Variants in SBF2 observed in about 807,000 individuals in gnomAD.
SBF2 encodes myotubularin-related protein 13.
In SBF2, 112 loss-of-function variants were observed where a neutral mutation model predicts 225.2. That is an observed-to-expected ratio of 0.50 (90% CI 0.43 to 0.58). The LOEUF (loss-of-function observed/expected upper bound fraction) is 0.58, where lower values mean the gene tolerates loss of function less well. SBF2 is among the 20% of genes least tolerant of loss of function. SBF2 has a pLI of 0.00. For missense variants in SBF2, 1,996 were observed against 2,206.2 expected (o/e 0.90, Z 1.91); for synonymous variants, 763 against 773.3 (o/e 0.99, Z 0.22).
chr11:10,002,199 G>T (rs1463751842), intron 7 of SBF2, among the ~76,000 whole-genome samples: 2 of 152,052 alleles, frequency 1.3e-5, no homozygotes, highest in Non-Finnish European at 2.9e-5. Context: ...ACTTCAGTGG[G>T]TATCTAAGAG....
intron 37 of SBF2, 36 bp downstream of exon 37, chr11:9,785,089 A>G (rs777913119): frequency 1.3e-6 from 2 of 1,592,688 alleles, no homozygotes; most frequent in Non-Finnish European, 1.7e-6. Context: ...GCTGTGGGGA[A>G]GTCTTCAGCA....
chr11:9,942,901 G>GAAAGAAAGAA (rs1554962757), intron 16 of SBF2, among the ~76,000 whole-genome samples: 64 of 101,380 alleles, frequency 6.3e-4, no homozygotes, highest in Non-Finnish European at 1.1e-3. Context: ...AAGAGAGAGA[G>GAAAGAAAGAA]AGAAAGAAAG....
rs118034467 is a variant in SBF2 at position 10,186,416 on chromosome 11, C to T, written c.141+7486G>A. On this transcript the variant is annotated intron_variant, in intron 2 of 39. Transcript: ENST00000256190. The stretch of plus-strand genomic sequence containing the variant: ...GGCATGGTGGCACACACCTGTAGTC[C>T]TAGCTATTCTGGACACTGAGGCAGG... Among the ~76,000 whole-genome samples the T allele has an allele frequency of 2.0e-3, 301 of 152,262 alleles. 1 individual carries two copies. The highest frequency in any genetic ancestry group is 0.01 in the South Asian group (50 of 4,826).
At chr11:10,197,500 G>A (rs972108314) in intron 1 of SBF2, among the ~76,000 whole-genome samples, 10 of 152,234 alleles carry the variant, frequency 6.6e-5, no homozygotes, top group African/African-American at 2.4e-4. Context: ...TCAATCATCT[G>A]AGGCTTTAGC....
rs897516596 is a variant in SBF2 at position 9,995,433 on chromosome 11, G to A, written c.976-1435C>T. The stretch of plus-strand genomic sequence containing the variant: ...CAACACTAAAATATTGGCAGTTCAA[G>A]TCACTGAATCACTACCACAGTACAA... On this transcript the variant is annotated intron_variant, in intron 9 of 39. Coordinates refer to ENST00000256190, the MANE Select transcript of SBF2 (RefSeq NM_030962.4). Among the ~76,000 whole-genome samples, 3 of 152,282 alleles carry A rather than the reference G, an allele frequency of 2.0e-5. No homozygotes were observed. The East Asian group carries it at 5.8e-4, about 29-fold the overall frequency.
At chr11:10,027,006 G>T (rs140230329) in intron 6 of SBF2, among the ~76,000 whole-genome samples, 58 of 152,200 alleles carry the variant, frequency 3.8e-4, no homozygotes, top group Non-Finnish European at 7.4e-4. Flanking sequence ...TGTACAACAC[G>T]ATGTTTTGAA....
chr11:10,129,392 C>T (rs967632405), intron 2 of SBF2, among the ~76,000 whole-genome samples: 4 of 152,072 alleles, frequency 2.6e-5, no homozygotes, highest in Non-Finnish European at 4.4e-5. Flanking sequence ...CATGAGCCAC[C>T]GCGCCCGGCC....
Position 9,992,490 on chromosome 11 carries a change from T to A in SBF2, c.1221A>T (p.Val407=), listed in dbSNP as rs1259811004. 1 of 1,613,196 alleles carries A rather than the reference T, an allele frequency of 6.2e-7. No individual in the cohort carries two copies. Among genetic ancestry groups the A allele is most frequent in the African/African-American group, 1.3e-5 (1 of 74,998 alleles). ...AACCTGCAAATGCCATTCCACTGAG[T>A]ACTTTAGTGAGGAAATCATTCTCGA... ...GLVENDFLTK[V]LSGMAFAGFV... is the part of the protein sequence containing the mutation. Residue 407 remains valine (V), a synonymous_variant, in exon 12 of 40, where the codon GTA becomes GTT. Transcript: ENST00000256190.
At chr11:9,904,118 A>G (rs115836768) in intron 16 of SBF2, among the ~76,000 whole-genome samples, 1,929 of 152,210 alleles carry the variant, frequency 0.013, 44 homozygotes, top group African/African-American at 0.044. Flanking sequence ...TACAAATACA[A>G]TAACACAAAT....
At chr11:10,223,461 T>C (rs940973854) in intron 1 of SBF2, among the ~76,000 whole-genome samples, 1 of 125,976 alleles carries the variant, frequency 7.9e-6, no homozygotes, top group Admixed American at 8.9e-5. Flanking sequence ...TACAATAAAG[T>C]AAGCTACAGA....
chr11:9,853,809 A>C, intron 19 of SBF2, 97 bp from the exon 20 acceptor site: 1 of 1,095,272 alleles, frequency 9.1e-7, no homozygotes, highest in Admixed American at 1.7e-5. Flanking sequence ...AACATGAGCA[A>C]AGTGATGTCT....
At chr11:10,219,630 T>C (rs1198206866) in intron 1 of SBF2, among the ~76,000 whole-genome samples, 1 of 152,226 alleles carries the variant, frequency 6.6e-6, no homozygotes, top group Non-Finnish European at 1.5e-5. Flanking sequence ...CAAACTTCTA[T>C]GCTCTGCTTT....
chr11:10,121,377 G>C (rs1321316473), intron 2 of SBF2, among the ~76,000 whole-genome samples: 1 of 152,088 alleles, frequency 6.6e-6, no homozygotes, highest in Non-Finnish European at 1.5e-5. Flanking sequence ...ATCCAATTCT[G>C]CTCTTAAGAA....
intron 2 of SBF2, among the ~76,000 whole-genome samples, chr11:10,063,321 A>T (rs1235645127): frequency 9.0e-6 from 1 of 110,514 alleles, no homozygotes; most frequent in Non-Finnish European, 2.0e-5. Context: ...AACCTAAAGT[A>T]AAAAAAATAT....
At position 9,809,007 on chromosome 11, in the gene SBF2, G is replaced by C. The variant is rs966658773; in HGVS notation, c.4156-5C>G. 7 of 1,608,622 alleles carry C rather than the reference G, an allele frequency of 4.4e-6. No individual in the cohort carries two copies. Among genetic ancestry groups the C allele is most frequent in the African/African-American group, 1.3e-5 (1 of 74,818 alleles). ...CAGCTGCATTATCCTGTGAAGCTAA[G>C]AGACAGGAAGGAGAACACAATTAGA... On this transcript the variant is annotated splice_region_variant and splice_polypyrimidine_tract_variant and intron_variant, in intron 30 of 39. Transcript: ENST00000256190.
chr11:10,113,325 C>T (rs1253906923), intron 2 of SBF2, among the ~76,000 whole-genome samples: 1 of 151,968 alleles, frequency 6.6e-6, no homozygotes, highest in African/African-American at 2.4e-5. Context: ...CATACATGTT[C>T]AAAAATGACA....
Position 9,781,487 on chromosome 11 carries a change from G to C in SBF2, c.5451+20C>G, listed in dbSNP as rs751647356. The C allele has an allele frequency of 1.9e-6, 3 of 1,613,900 alleles. No individual in the cohort carries two copies. ...TGATGTGCAGACAGAGCCAGGAAAAGAGAAGTAAGATCAACTTACATCAAA... is the reference window on the plus strand; with the variant it reads ...TGATGTGCAGACAGAGCCAGGAAAACAGAAGTAAGATCAACTTACATCAAA... On this transcript the variant is annotated intron_variant, in intron 39 of 39. Coordinates refer to ENST00000256190, the MANE Select transcript of SBF2 (RefSeq NM_030962.4).
chr11:10,103,853 A>T (rs1319180099), intron 2 of SBF2, among the ~76,000 whole-genome samples: 1 of 152,166 alleles, frequency 6.6e-6, no homozygotes, highest in Admixed American at 6.5e-5. Flanking sequence ...GGCCAAGGCA[A>T]AAGGACTGCT....
chr11:10,046,628 A>G (rs1300706627), intron 2 of SBF2, among the ~76,000 whole-genome samples: 1 of 151,748 alleles, frequency 6.6e-6, no homozygotes, highest in Non-Finnish European at 1.5e-5. Flanking sequence ...TTGATAAAGA[A>G]TATCTTTTAA....
Sources: gnomAD v4.1 joint callset for allele counts (sites outside exome capture counted in the v4.1 genomes callset) on GRCh38, gnomAD v4.1.1 for gene constraint, MANE v1.5 for transcripts, NCBI Gene and HGNC (gene_info 2026-07-23, HGNC 2026-07-21) for gene names.